The following KIAA1755 variants were observed in gnomAD, a reference collection of about 807,000 sequenced individuals.
KIAA1755 encodes KIAA1755.
KIAA1755 carries 68 observed loss-of-function variants against 91.7 expected under a neutral mutation model. That is an observed-to-expected ratio of 0.74 (90% CI 0.61 to 0.91). The LOEUF (loss-of-function observed/expected upper bound fraction) is 0.91, where lower values mean the gene tolerates loss of function less well. Ranked by LOEUF, KIAA1755 falls within the 40% of genes least tolerant of loss-of-function variation. KIAA1755 has a pLI of 0.00. For synonymous variants in KIAA1755, 610 were observed against 604.6 expected (o/e 1.01, Z -0.13); for missense variants, 1,535 against 1,494.4 (o/e 1.03, Z -0.45).
chr20:38,220,181 G>A (rs2123081974), intron 10 of KIAA1755, among the ~76,000 whole-genome samples: 1 of 152,224 alleles, frequency 6.6e-6, no homozygotes, highest in South Asian at 2.1e-4. Flanking sequence ...CTAACGCCCT[G>A]GCCCTCAACT....
chr20:38,224,019 G>A (rs1044116132), intron 8 of KIAA1755, among the ~76,000 whole-genome samples: 15 of 152,190 alleles, frequency 9.9e-5, no homozygotes, highest in Non-Finnish European at 1.9e-4. Flanking sequence ...GGCAGAGTTA[G>A]GGGAACATTT....
intron 10 of KIAA1755, 151 bp from the exon 11 acceptor site, chr20:38,219,919 A>G (rs2075627314): frequency 5.2e-6 from 5 of 961,134 alleles, no homozygotes; most frequent in Non-Finnish European, 7.7e-6. Context: ...CCCTTCACCA[A>G]GGGCCTCAGC....
intron 1 of KIAA1755, chr20:38,260,113 C>A: frequency 9.5e-7 from 1 of 1,052,018 alleles, no homozygotes; most frequent in Non-Finnish European, 1.2e-6. Flanking sequence ...CACCACTCTT[C>A]CCCATCCAAA....
chr20:38,212,478 T>C lies in KIAA1755; in HGVS notation c.*564A>G, dbSNP rs574658766. ...AAAATTAAAAAAAAGAAAATTTGCT[T>C]GACAACATACTCTTTATTCCCTTTG... is the stretch of plus-strand genomic sequence containing the variant. On this transcript the variant is annotated 3_prime_UTR_variant, in exon 14 of 14. Coordinates refer to ENST00000279024, the MANE Select transcript of KIAA1755 (RefSeq NM_001029864.2). The C allele has an allele frequency of 6.6e-6, 1 of 152,394 alleles. No individual in the cohort carries two copies. The highest frequency in any genetic ancestry group is 6.5e-5 in the Admixed American group (1 of 15,296). The allele number at this position is 152,394 out of a possible 1,614,324, so 9.4% of individuals were successfully genotyped here.
At chr20:38,250,854 G>T (rs1268395958) in intron 1 of KIAA1755, among the ~76,000 whole-genome samples, 4 of 152,010 alleles carry the variant, frequency 2.6e-5, no homozygotes, top group Non-Finnish European at 2.9e-5. Flanking sequence ...CATGTTACCA[G>T]GCACATGTGG....
At chr20:38,259,532 A>T (rs73905582) in intron 1 of KIAA1755, among the ~76,000 whole-genome samples, 6,515 of 78,894 alleles carry the variant, frequency 0.083, 200 homozygotes, top group African/African-American at 0.19. Flanking sequence ...TGTGTGTGTG[A>T]GAGAGAGAGA....
chr20:38,213,408 AC>A lies in KIAA1755; in HGVS notation c.3236del (p.Gly1079ValfsTer2), dbSNP rs2123041157. ...ERRGVAAKGQ[G>X]VSVEVTSKGR... The stretch of plus-strand genomic sequence containing the variant: ...CCTTGGAAGTGACCTCTACACTCAC[AC>A]CCTGGCCCTTGGCTGCCACCCCTCT... On this transcript the variant is annotated frameshift_variant, in exon 14 of 14. Transcript: ENST00000279024. LOFTEE classifies it low-confidence loss of function (END_TRUNC). 6.3e-7 allele frequency: 1 copy of A among 1,599,524 alleles called. No individual in the cohort carries two copies. Among genetic ancestry groups the A allele is most frequent in the Non-Finnish European group, 8.5e-7 (1 of 1,172,654 alleles).
At position 38,241,363 on chromosome 20, in the gene KIAA1755, A is replaced by G. The variant is rs770169592; in HGVS notation, c.768T>C (p.Cys256=). 26 of 1,613,974 alleles carry G rather than the reference A, an allele frequency of 1.6e-5. No individual in the cohort carries two copies. In the African/African-American group the frequency reaches 3.5e-4, roughly 22 times the overall value. The change falls in exon 3 of 14, where the codon TGT becomes TGC. Residue 256 remains cysteine, a synonymous_variant. Transcript: ENST00000279024. ...CGTCCATCCTGAAAGCCACCTCCCC[A>G]CACCGGGCTTGCTCCACCTTGATGA... is the stretch of plus-strand genomic sequence containing the variant. ...PGLIKVEQAR[C]GEVAFRMDEV...
intron 4 of KIAA1755, among the ~76,000 whole-genome samples, chr20:38,239,286 C>T (rs535965769): frequency 1.3e-5 from 2 of 152,356 alleles, no homozygotes; most frequent in African/African-American, 4.8e-5. Flanking sequence ...GGCTGCTTCA[C>T]TGATGGATGG....
At chr20:38,227,905 T>C (rs2075789735) in intron 6 of KIAA1755, among the ~76,000 whole-genome samples, 1 of 152,244 alleles carries the variant, frequency 6.6e-6, no homozygotes. Flanking sequence ...CAGGTTCTAA[T>C]GATAATATCT....
At chr20:38,214,896 C>T (rs571214249) in intron 13 of KIAA1755, among the ~76,000 whole-genome samples, 18 of 152,340 alleles carry the variant, frequency 1.2e-4, no homozygotes, top group Non-Finnish European at 1.9e-4. Flanking sequence ...CCATTTTCTC[C>T]GAAGAGACCA....
At chr20:38,253,798 A>G (rs6024343) in intron 1 of KIAA1755, among the ~76,000 whole-genome samples, 1 of 152,086 alleles carries the variant, frequency 6.6e-6, no homozygotes, top group Admixed American at 6.5e-5. Context: ...AAAGTGTGAG[A>G]GTATGTGTTT....
intron 4 of KIAA1755, 48 bp downstream of exon 4, chr20:38,239,480 G>T: frequency 6.3e-7 from 1 of 1,580,738 alleles, no homozygotes. Flanking sequence ...AGATGCTCTG[G>T]GGCCCCCAGC....
Position 38,246,058 on chromosome 20 carries a change from T to C in KIAA1755, c.72A>G (p.Thr24=), listed in dbSNP as rs1167983933. 1.2e-6 allele frequency: 2 copies of C among 1,613,898 alleles called. No homozygotes were observed. Among genetic ancestry groups the C allele is most frequent in the African/African-American group, 2.7e-5 (2 of 74,862 alleles). The change falls in exon 2 of 14, where the codon ACA becomes ACG. Residue 24 remains threonine (T), a synonymous_variant. Coordinates refer to ENST00000279024, the MANE Select transcript of KIAA1755 (RefSeq NM_001029864.2). ...LAGLYPPFEA[T]APTVLGQVFR... is the part of the protein sequence containing the mutation. ...ACACCTGACCCAGGACGGTGGGTGC[T>C]GTGGCCTCGAAAGGAGGATAGAGGC...
intron 8 of KIAA1755, 124 bp from the exon 9 acceptor site, chr20:38,223,760 G>A: frequency 1.5e-6 from 1 of 669,914 alleles, no homozygotes; most frequent in Non-Finnish European, 2.6e-6. Flanking sequence ...TGCATCAGAA[G>A]CATCTGGAGA....
chr20:38,259,673 C>CT (rs1203656746), intron 1 of KIAA1755, among the ~76,000 whole-genome samples: 1 of 151,744 alleles, frequency 6.6e-6, no homozygotes, highest in African/African-American at 2.4e-5. Context: ...GTCTTCACAG[C>CT]TTTTTTCAAA....
chr20:38,243,209 T>C (rs2076098779), intron 2 of KIAA1755, among the ~76,000 whole-genome samples: 1 of 152,254 alleles, frequency 6.6e-6, no homozygotes, highest in African/African-American at 2.4e-5. Context: ...AGAGTGAGAC[T>C]GAATTTCCTG....
At chr20:38,242,880 T>C (rs1232341273) in intron 2 of KIAA1755, among the ~76,000 whole-genome samples, 4 of 152,270 alleles carry the variant, frequency 2.6e-5, no homozygotes, top group Non-Finnish European at 5.9e-5. Flanking sequence ...TAATGGATAA[T>C]AACACGAAGG....
intron 4 of KIAA1755, among the ~76,000 whole-genome samples, chr20:38,234,053 G>C (rs1568753367): frequency 6.6e-6 from 1 of 152,126 alleles, no homozygotes; most frequent in Non-Finnish European, 1.5e-5. Context: ...CAAGGAGAGA[G>C]GCCACAGAAG....
Sources: gnomAD v4.1 joint callset for allele counts (sites outside exome capture counted in the v4.1 genomes callset) on GRCh38, gnomAD v4.1.1 for gene constraint, MANE v1.5 for transcripts, NCBI Gene and HGNC (gene_info 2026-07-23, HGNC 2026-07-21) for gene names.